The following KCNH5 variants were observed in gnomAD, a reference collection of about 807,000 sequenced individuals.
KCNH5 encodes the protein potassium voltage-gated channel subfamily H member 5.
In KCNH5, 46 loss-of-function variants were observed where a neutral mutation model predicts 96.1. The observed-to-expected ratio is 0.48, with a 90% CI of 0.38 to 0.61. The LOEUF (loss-of-function observed/expected upper bound fraction) is 0.61. Ranked by LOEUF, KCNH5 falls within the 20% of genes least tolerant of loss-of-function variation. KCNH5 has a pLI of 0.00. For missense variants in KCNH5, 907 were observed against 1,225.8 expected, an observed-to-expected ratio of 0.74 and a Z score of 3.88; for synonymous variants, 439 against 449.8, an observed-to-expected ratio of 0.98 and a Z score of 0.30.
At chr14:62,791,616 G>A (rs192827491) in intron 9 of KCNH5, among the ~76,000 whole-genome samples, 683 of 151,726 alleles carry the variant, frequency 4.5e-3, no homozygotes, top group Middle Eastern at 0.031. Context: ...AAGAGAGCAG[G>A]AGTGGCTATA....
At chr14:63,029,402 C>T (rs559586298) in intron 1 of KCNH5, among the ~76,000 whole-genome samples, 8 of 152,152 alleles carry the variant, frequency 5.3e-5, no homozygotes, top group African/African-American at 1.9e-4. Context: ...GTTACGGAGA[C>T]TAAATAAAGT....
At chr14:62,753,515 C>G (rs1440081115) in intron 10 of KCNH5, among the ~76,000 whole-genome samples, 1 of 151,994 alleles carries the variant, frequency 6.6e-6, no homozygotes, top group African/African-American at 2.4e-5. Flanking sequence ...GCAGATTTAA[C>G]CCAAAGAAAA....
At chr14:62,911,340 G>A (rs1168186388) in intron 7 of KCNH5, among the ~76,000 whole-genome samples, 4 of 148,370 alleles carry the variant, frequency 2.7e-5, no homozygotes, top group East Asian at 4.0e-4. Flanking sequence ...GTGCAGTGGC[G>A]CAATCTCGGC....
intron 1 of KCNH5, among the ~76,000 whole-genome samples, chr14:63,025,036 A>G (rs1891499999): frequency 6.6e-6 from 1 of 152,164 alleles, no homozygotes; most frequent in Non-Finnish European, 1.5e-5. Context: ...ATAATTCACC[A>G]TGATCAAGTG....
At chr14:62,779,059 T>C (rs1269435817) in intron 10 of KCNH5, among the ~76,000 whole-genome samples, 1 of 152,200 alleles carries the variant, frequency 6.6e-6, no homozygotes, top group Non-Finnish European at 1.5e-5. Context: ...TATCCAAACA[T>C]GTATTTCATT....
intron 9 of KCNH5, among the ~76,000 whole-genome samples, chr14:62,799,724 T>C (rs191424419): frequency 0.024 from 2,546 of 104,208 alleles, 91 homozygotes; most frequent in African/African-American, 0.082. Context: ...TATATATATA[T>C]ATACACACAC....
intron 6 of KCNH5, among the ~76,000 whole-genome samples, chr14:62,975,842 T>G (rs1388724000): frequency 6.6e-6 from 1 of 152,058 alleles, no homozygotes; most frequent in African/African-American, 2.4e-5. Flanking sequence ...TTAATCACAA[T>G]CAATGTAAAC....
intron 10 of KCNH5, among the ~76,000 whole-genome samples, chr14:62,764,538 G>A (rs745597737): frequency 6.6e-6 from 1 of 152,274 alleles, no homozygotes; most frequent in African/African-American, 2.4e-5. Flanking sequence ...TCAGGCAAGA[G>A]AAAGAAGTAA....
chr14:62,856,636 C>G (rs1365445782), intron 7 of KCNH5, among the ~76,000 whole-genome samples: 2 of 152,136 alleles, frequency 1.3e-5, no homozygotes, highest in Non-Finnish European at 2.9e-5. Context: ...AGTGGAGAAG[C>G]TCATCTTCAG....
chr14:62,784,842 A>G (rs1346157595), intron 9 of KCNH5, among the ~76,000 whole-genome samples: 1 of 152,214 alleles, frequency 6.6e-6, no homozygotes, highest in East Asian at 1.9e-4. Flanking sequence ...ACATTAAATT[A>G]CTATGTTTTT....
At chr14:63,014,294 C>T (rs1449637090) in intron 2 of KCNH5, among the ~76,000 whole-genome samples, 1 of 152,028 alleles carries the variant, frequency 6.6e-6, no homozygotes, top group Non-Finnish European at 1.5e-5. Flanking sequence ...GCATGTGAGA[C>T]CTAGGTTACG....
intron 10 of KCNH5, among the ~76,000 whole-genome samples, chr14:62,741,497 G>T (rs368231782): frequency 6.6e-6 from 1 of 152,068 alleles, no homozygotes; most frequent in African/African-American, 2.4e-5. Context: ...GATTGTAAAA[G>T]GTGTTGCATC....
At chr14:62,881,571 C>T (rs555544178) in intron 7 of KCNH5, among the ~76,000 whole-genome samples, 3 of 152,032 alleles carry the variant, frequency 2.0e-5, no homozygotes, top group East Asian at 3.9e-4. Flanking sequence ...TACAGCAAAC[C>T]CCCAGGACAC....
intron 8 of KCNH5, among the ~76,000 whole-genome samples, chr14:62,846,787 A>ATT (rs1887701404): frequency 3.0e-5 from 2 of 65,666 alleles, no homozygotes; most frequent in African/African-American, 5.8e-5. Context: ...ATTGTATTGT[A>ATT]TCTTTTTTTT....
At chr14:63,001,584 A>G (rs1891012363) in intron 3 of KCNH5, 125 bp from the exon 4 acceptor site, 1 of 770,042 alleles carries the variant, frequency 1.3e-6, no homozygotes, top group Non-Finnish European at 2.0e-6. Flanking sequence ...CACCAAAACA[A>G]CAGTATATTA....
chr14:62,761,764 C>T (rs1226765134), intron 10 of KCNH5, among the ~76,000 whole-genome samples: 2 of 151,996 alleles, frequency 1.3e-5, no homozygotes, highest in Non-Finnish European at 2.9e-5. Context: ...ATAGGAAGAG[C>T]CAAAATGGTA....
intron 8 of KCNH5, among the ~76,000 whole-genome samples, chr14:62,820,586 C>A (rs1326996578): frequency 1.3e-5 from 2 of 152,010 alleles, no homozygotes; most frequent in Non-Finnish European, 2.9e-5. Context: ...TGAGAACATG[C>A]AGTATTTGGT....
chr14:62,800,113 C>T (rs1886630798), intron 9 of KCNH5, among the ~76,000 whole-genome samples: 1 of 151,590 alleles, frequency 6.6e-6, no homozygotes, highest in East Asian at 1.9e-4. Context: ...AAATCCTGAT[C>T]TGATGGGCTT....
At chr14:62,972,953 C>A (rs903451331) in intron 6 of KCNH5, among the ~76,000 whole-genome samples, 1 of 152,124 alleles carries the variant, frequency 6.6e-6, no homozygotes, top group African/African-American at 2.4e-5. Context: ...ATACTTCTGT[C>A]CAAACCCATT....
Sources: allele counts gnomAD v4.1 joint callset (sites outside exome capture counted in the v4.1 genomes callset), GRCh38; gene constraint gnomAD v4.1.1; transcripts MANE v1.5; gene names NCBI Gene and HGNC (gene_info 2026-07-23, HGNC 2026-07-21).